Variants in IL1RAPL1 observed in about 807,000 individuals in gnomAD.
IL1RAPL1 encodes the protein interleukin-1 receptor accessory protein-like 1.
IL1RAPL1 carries 3 observed loss-of-function variants against 48.4 expected under a neutral mutation model. That is an observed-to-expected ratio of 0.06 (90% CI 0.03 to 0.16). The LOEUF is 0.16. IL1RAPL1 is among the 10% of genes least tolerant of loss of function. The pLI is 1.00. For synonymous variants in IL1RAPL1, 185 were observed against 187.7 expected (o/e 0.99, Z 0.12); for missense variants, 349 against 530.6 (o/e 0.66, Z 3.36).
intron 2 of IL1RAPL1, among the ~76,000 whole-genome samples, chrX:29,109,843 T>A (rs761702038): frequency 8.9e-6 from 1 of 112,046 alleles, no homozygotes; most frequent in South Asian, 3.7e-4. Flanking sequence ...TGCAGTTCAG[T>A]TTGCTTCAAT....
intron 5 of IL1RAPL1, among the ~76,000 whole-genome samples, chrX:29,517,003 A>T (rs1292729022): frequency 1.8e-5 from 2 of 111,366 alleles, no homozygotes; most frequent in Non-Finnish European, 3.8e-5. Context: ...CATATTTTGG[A>T]TACTAGGTGT....
chrX:28,602,860 T>C (rs1276588421), intron 1 of IL1RAPL1, among the ~76,000 whole-genome samples: 2 of 111,582 alleles, frequency 1.8e-5, no homozygotes, highest in African/African-American at 3.3e-5. Context: ...GTGGCTTCAG[T>C]CTAGTTTTGG....
intron 6 of IL1RAPL1, among the ~76,000 whole-genome samples, chrX:29,809,256 C>G (rs913098533): frequency 2.3e-4 from 25 of 107,429 alleles, no homozygotes; most frequent in Non-Finnish European, 4.2e-4. Flanking sequence ...GCCACCATGC[C>G]AAGCTAATTT....
chrX:29,801,080 A>C lies in IL1RAPL1; in HGVS notation c.779-116384A>C, dbSNP rs755035550. On this transcript the variant is annotated intron_variant, in intron 6 of 10. Coordinates refer to ENST00000378993, the MANE Select transcript of IL1RAPL1 (RefSeq NM_014271.4). ...AAAAAAAAAAAAAAAAAAAAAAAAA[A>C]CTCATCTTTTAATGTTAGTTTATAA... 2.8e-3 allele frequency among the ~76,000 whole-genome samples: 247 copies of C among 87,107 alleles called. 3 individuals are homozygous for C. The highest frequency in any genetic ancestry group is 9.2e-3 in the African/African-American group (191 of 20,785). The allele number at this position is 87,107 out of a possible 115,157, so 75.6% of individuals were successfully genotyped here.
chrX:29,927,302 G>GTTATC, intron 8 of IL1RAPL1, among the ~76,000 whole-genome samples: 1 of 112,146 alleles, frequency 8.9e-6, no homozygotes, highest in Admixed American at 9.5e-5. Context: ...AGAGAAACTA[G>GTTATC]TTATCTTGAG....
chrX:29,065,679 A>G (rs181446753), intron 2 of IL1RAPL1, among the ~76,000 whole-genome samples: 7 of 111,632 alleles, frequency 6.3e-5, no homozygotes, highest in Admixed American at 9.5e-5. Context: ...TGGTTGCCCA[A>G]CTTTCTGTGA....
chrX:29,001,270 A>T (rs1925846302), intron 2 of IL1RAPL1, among the ~76,000 whole-genome samples: 1 of 112,104 alleles, frequency 8.9e-6, no homozygotes, highest in Admixed American at 9.5e-5. Flanking sequence ...GATACAAAAG[A>T]CACCCTCACT....
chrX:29,029,401 G>A (rs755638018), intron 2 of IL1RAPL1, among the ~76,000 whole-genome samples: 1 of 111,270 alleles, frequency 9.0e-6, no homozygotes, highest in African/African-American at 3.3e-5. Flanking sequence ...GTGCTGCCTG[G>A]GATTGGGGGA....
chrX:28,832,822 A>ATTT (rs199869467), intron 2 of IL1RAPL1, among the ~76,000 whole-genome samples: 1,411 of 80,371 alleles, frequency 0.018, 53 homozygotes, highest in African/African-American at 0.066. Context: ...ATTTTTTTCA[A>ATTT]TTTTTTTTTT....
intron 3 of IL1RAPL1, among the ~76,000 whole-genome samples, chrX:29,360,628 A>T (rs1390345249): frequency 1.8e-5 from 2 of 111,888 alleles, no homozygotes; most frequent in Admixed American, 1.9e-4. Flanking sequence ...TGGTCAAAAT[A>T]AATTTTGTAA....
At chrX:28,829,713 C>T (rs942600798) in intron 2 of IL1RAPL1, among the ~76,000 whole-genome samples, 2 of 109,796 alleles carry the variant, frequency 1.8e-5, no homozygotes, top group African/African-American at 6.6e-5. Flanking sequence ...GCACCCGCCA[C>T]CATGCCCAGC....
chrX:28,817,507 A>T (rs770931643), intron 2 of IL1RAPL1, among the ~76,000 whole-genome samples: 2 of 111,423 alleles, frequency 1.8e-5, no homozygotes, highest in African/African-American at 6.5e-5. Context: ...GGCAGAGTCA[A>T]TATAATGCAT....
chrX:29,000,377 C>A (rs1295940739), intron 2 of IL1RAPL1, among the ~76,000 whole-genome samples: 1 of 111,331 alleles, frequency 9.0e-6, no homozygotes, highest in Admixed American at 9.6e-5. Flanking sequence ...CCTAGAAGTC[C>A]CTTAGATGCT....
chrX:29,162,559 T>C (rs1929707436), intron 2 of IL1RAPL1, among the ~76,000 whole-genome samples: 1 of 109,870 alleles, frequency 9.1e-6, no homozygotes, highest in Non-Finnish European at 1.9e-5. Flanking sequence ...ACTATATTAA[T>C]ATATAGTATA....
At chrX:29,314,289 T>A (rs1190392085) in intron 3 of IL1RAPL1, among the ~76,000 whole-genome samples, 2 of 111,807 alleles carry the variant, frequency 1.8e-5, no homozygotes, top group Non-Finnish European at 3.8e-5. Flanking sequence ...GAGATTTGAT[T>A]GAAATTGGGC....
intron 3 of IL1RAPL1, among the ~76,000 whole-genome samples, chrX:29,339,075 T>TACACACACACACACACACACACAC (rs758487838): frequency 1.1e-5 from 1 of 92,318 alleles, no homozygotes; most frequent in African/African-American, 4.1e-5. Context: ...GCTGGGTAAA[T>TACACACACACACACACACACACAC]ACACACACAC....
intron 6 of IL1RAPL1, among the ~76,000 whole-genome samples, chrX:29,766,396 T>C (rs1287368361): frequency 1.0e-5 from 1 of 96,012 alleles, no homozygotes; most frequent in Non-Finnish European, 2.0e-5. Flanking sequence ...TATTTTTATA[T>C]ATATATCCAA....
chrX:29,829,736 A>G (rs1002501782), intron 6 of IL1RAPL1, among the ~76,000 whole-genome samples: 13 of 112,069 alleles, frequency 1.2e-4, no homozygotes, highest in African/African-American at 4.2e-4. Flanking sequence ...CATGATCTAC[A>G]AAGTACCAAA....
chrX:28,736,790 C>T (rs1474933626), intron 1 of IL1RAPL1, among the ~76,000 whole-genome samples: 2 of 112,025 alleles, frequency 1.8e-5, no homozygotes, highest in African/African-American at 3.2e-5. Context: ...TATTTTGTTT[C>T]ATAGATTTGA....
Sources: gnomAD v4.1 joint callset for allele counts (sites outside exome capture counted in the v4.1 genomes callset) on GRCh38, gnomAD v4.1.1 for gene constraint, MANE v1.5 for transcripts, NCBI Gene and HGNC (gene_info 2026-07-23, HGNC 2026-07-21) for gene names.